FUT8: variants seen among roughly 807,000 people sequenced by gnomAD.
The protein encoded by FUT8 is alpha-(1,6)-fucosyltransferase.
FUT8 carries 29 observed loss-of-function variants against 71.3 expected under a neutral mutation model. The observed-to-expected ratio is 0.41, with a 90% CI of 0.30 to 0.55. The LOEUF (loss-of-function observed/expected upper bound fraction) is 0.55. Ranked by LOEUF, FUT8 falls within the 20% of genes least tolerant of loss-of-function variation. FUT8 has a pLI of 0.34. For missense variants in FUT8, 544 were observed against 702.1 expected, an observed-to-expected ratio of 0.77 and a Z score of 2.55; for synonymous variants, 254 against 239.3, an observed-to-expected ratio of 1.06 and a Z score of -0.57.
At chr14:65,492,459 T>G (rs968412347) in intron 2 of FUT8, among the ~76,000 whole-genome samples, 1 of 152,324 alleles carries the variant, frequency 6.6e-6, no homozygotes, top group South Asian at 2.1e-4. Context: ...CCAGTCCAGC[T>G]GTTTTTGTAC....
intron 3 of FUT8, among the ~76,000 whole-genome samples, chr14:65,562,871 G>A (rs574481157): frequency 2.9e-4 from 44 of 152,218 alleles, no homozygotes; most frequent in African/African-American, 5.5e-4. Flanking sequence ...GTAGTTGGCA[G>A]TGTTAAATTA....
rs75852443 is a variant in FUT8 at position 65,420,752 on chromosome 14, A to G, written c.-326+7538A>G. 5.8e-3 allele frequency among the ~76,000 whole-genome samples: 876 copies of G among 152,236 alleles called. 34 individuals carry two copies. The East Asian group carries it at 0.092, about 16-fold the overall frequency. On this transcript the variant is annotated intron_variant, in intron 1 of 10. Coordinates refer to ENST00000673929, the MANE Select transcript of FUT8 (RefSeq NM_001371533.1). ...GACCCCCATCAAGATGAAAATCCAC[A>G]TGTAACTTTTATCTCCTCAAAAACT...
At chr14:65,691,024 C>T (rs1481995897) in intron 7 of FUT8, among the ~76,000 whole-genome samples, 1 of 148,660 alleles carries the variant, frequency 6.7e-6, no homozygotes, top group Admixed American at 6.6e-5. Flanking sequence ...CCACGCCCAG[C>T]CACATTTGAC....
intron 2 of FUT8, among the ~76,000 whole-genome samples, chr14:65,468,677 G>A (rs1262687548): frequency 6.6e-6 from 1 of 151,914 alleles, no homozygotes; most frequent in Non-Finnish European, 1.5e-5. Context: ...TATCTTGCTT[G>A]GTGTTCTCTG....
At chr14:65,365,328 C>CCTCTCT in the FUT8 span, among the ~76,000 whole-genome samples, 401 of 139,062 alleles carry the variant, frequency 2.9e-3, 2 homozygotes, top group African/African-American at 7.0e-3. Flanking sequence ...ATAAATTCTT[C>CCTCTCT]CTCTCTCTCT....
At chr14:65,567,174 T>TTTTG (rs1399780315) in intron 3 of FUT8, among the ~76,000 whole-genome samples, 16 of 152,122 alleles carry the variant, frequency 1.1e-4, no homozygotes, top group African/African-American at 3.6e-4. Flanking sequence ...TTAATAGTTT[T>TTTTG]TTTGTTTATT....
intron 7 of FUT8, among the ~76,000 whole-genome samples, chr14:65,692,536 G>C (rs1286363756): frequency 2.1e-5 from 3 of 144,506 alleles, no homozygotes; most frequent in African/African-American, 7.7e-5. Context: ...TCCCGGACGG[G>C]GCGGCTGGCC....
At chr14:65,514,423 A>G (rs1338535044) in intron 2 of FUT8, among the ~76,000 whole-genome samples, 1 of 152,258 alleles carries the variant, frequency 6.6e-6, no homozygotes, top group African/African-American at 2.4e-5. Flanking sequence ...TGCCGAATAC[A>G]AGAGGAAAAC....
At chr14:65,501,412 C>G (rs1008406686) in intron 2 of FUT8, among the ~76,000 whole-genome samples, 1 of 152,088 alleles carries the variant, frequency 6.6e-6, no homozygotes, top group Non-Finnish European at 1.5e-5. Flanking sequence ...AATTGGGGTT[C>G]AAAACCTCTG....
rs565814262 is a variant in FUT8 at position 65,666,595 on chromosome 14, A to T, written c.598-2648A>T. 6.6e-5 allele frequency among the ~76,000 whole-genome samples: 10 copies of T among 152,158 alleles called. No homozygotes were observed. In the South Asian group the frequency reaches 2.1e-3, roughly 32 times the overall value. On this transcript the variant is annotated intron_variant, in intron 6 of 10. Coordinates refer to ENST00000673929, the MANE Select transcript of FUT8 (RefSeq NM_001371533.1). ...CAGATAGCTAAATTCTGCCATACGT[A>T]TAAGAAGACCTGGCACCATTCCTAC...
At chr14:65,411,974 A>G (rs995572939), upstream of FUT8, 2 of 455,246 alleles carry the variant, frequency 4.4e-6, no homozygotes, top group Admixed American at 4.7e-5. Flanking sequence ...GGGCGCCGGG[A>G]ATTTTCCGAG....
intron 2 of FUT8, among the ~76,000 whole-genome samples, chr14:65,463,402 G>A (rs1265667077): frequency 1.3e-5 from 2 of 151,998 alleles, no homozygotes; most frequent in South Asian, 2.1e-4. Flanking sequence ...GAGTTGCTGC[G>A]ATTGCAGGTG....
chr14:65,669,515 C>T lies in FUT8; in HGVS notation c.835+35C>T, dbSNP rs1275620921. Reference sequence around the variant, plus strand: ...TTGTGCAGCATATGAGATCTCTGGGCTGTTTCACTCAATTACCAGATTATT... The same window carrying T: ...TTGTGCAGCATATGAGATCTCTGGGTTGTTTCACTCAATTACCAGATTATT... On this transcript the variant is annotated intron_variant, in intron 7 of 10. Transcript: ENST00000673929. The surrounding 1 kb of genome is among the most constrained non-coding windows in gnomAD (Gnocchi z 4.5). 7.1e-7 allele frequency: 1 copy of T among 1,418,240 alleles called. No individual in the cohort carries two copies. Among genetic ancestry groups the T allele is most frequent in the African/African-American group, 1.4e-5 (1 of 71,190 alleles). The allele number at this position is 1,418,240 out of a possible 1,614,324, so 87.9% of individuals were successfully genotyped here.
chr14:65,504,490 A>AT (rs2066694427), intron 2 of FUT8, among the ~76,000 whole-genome samples: 1 of 152,228 alleles, frequency 6.6e-6, no homozygotes, highest in African/African-American at 2.4e-5. Flanking sequence ...ACCTGTCTTC[A>AT]TAATTGTCAT....
At position 65,728,950 on chromosome 14, in the gene FUT8, G is replaced by A. The variant is rs1325857704; in HGVS notation, c.1260-4281G>A. ...AACTGGAGCATGACTGTAGTTGATC[G>A]AATTCTATATAATTTAAACTCTTTT... On this transcript the variant is annotated intron_variant, in intron 9 of 10. Transcript: ENST00000673929. 3.3e-5 allele frequency among the ~76,000 whole-genome samples: 5 copies of A among 150,978 alleles called. 1 individual carries two copies. Among genetic ancestry groups the A allele is most frequent in the South Asian group, 4.2e-4 (2 of 4,788 alleles).
intron 7 of FUT8, among the ~76,000 whole-genome samples, chr14:65,716,473 C>T (rs1484392782): frequency 6.7e-6 from 1 of 148,236 alleles, no homozygotes; most frequent in Non-Finnish European, 1.5e-5. Context: ...TTTAACAAAG[C>T]ACATCTTGCA....
intron 2 of FUT8, among the ~76,000 whole-genome samples, chr14:65,542,669 G>C (rs1884745611): frequency 6.6e-6 from 1 of 152,182 alleles, no homozygotes; most frequent in African/African-American, 2.4e-5. Flanking sequence ...CTATTCTGTA[G>C]AAACAGTTTT....
rs1888648589 is a variant in FUT8, at chr14:65,607,520, G to A, written c.204-8458G>A. On this transcript the variant is annotated intron_variant, in intron 3 of 10. Transcript: ENST00000673929. This position sits in a 1 kb window ranked among gnomAD's most constrained non-coding sequence, Gnocchi z 4.1. Reference sequence around the variant, plus strand: ...ATAGTTTTTCTAATCGTAAACCAATGTAGTATTCTTAGGATAAAGTTGAGA... The same window carrying A: ...ATAGTTTTTCTAATCGTAAACCAATATAGTATTCTTAGGATAAAGTTGAGA... 2.0e-5 allele frequency among the ~76,000 whole-genome samples: 3 copies of A among 151,784 alleles called. No homozygotes were observed. The highest frequency in any genetic ancestry group is 2.4e-5 in the African/African-American group (1 of 41,368).
intron 9 of FUT8, among the ~76,000 whole-genome samples, chr14:65,726,221 G>C (rs1008522451): frequency 6.6e-6 from 1 of 152,204 alleles, no homozygotes; most frequent in Non-Finnish European, 1.5e-5. Context: ...TACTAATTTT[G>C]TCTACTCTTT....
Sources: gnomAD v4.1 joint callset for allele counts (sites outside exome capture counted in the v4.1 genomes callset) on GRCh38, gnomAD v4.1.1 for gene constraint, Gnocchi (gnomAD v3.1) non-coding constraint, MANE v1.5 for transcripts, NCBI Gene and HGNC (gene_info 2026-07-23, HGNC 2026-07-21) for gene names.